UGT2B7: variants seen among roughly 807,000 people sequenced by gnomAD.
UGT2B7 encodes UDP glucuronosyltransferase family 2 member B7.
UGT2B7 carries 51 observed loss-of-function variants against 51.9 expected under a neutral mutation model. The ratio of observed to expected loss-of-function variants is 0.98; its 90% CI spans 0.78 to 1.24. The LOEUF (loss-of-function observed/expected upper bound fraction) is 1.24. UGT2B7 is among the 50% of genes most tolerant of loss of function. The pLI is 0.00. For synonymous variants in UGT2B7, 225 were observed against 211.6 expected, an observed-to-expected ratio of 1.06 and a Z score of -0.55; for missense variants, 727 against 628.4, an observed-to-expected ratio of 1.16 and a Z score of -1.68.
rs140395996 is a variant in UGT2B7 at position 69,112,611 on chromosome 4, C to T, written c.1465C>T (p.His489Tyr). ...AAHDLTWFQYHSLDVIGFLLV... is the reference protein window; with the variant it reads ...AAHDLTWFQYYSLDVIGFLLV... ...CCACGACCTCACCTGGTTCCAGTACCACTCTTTGGATGTGATTGGGTTCCT... is the reference window on the plus strand; with the variant it reads ...CCACGACCTCACCTGGTTCCAGTACTACTCTTTGGATGTGATTGGGTTCCT... The change falls in exon 6 of 6, where the codon CAC becomes TAC. Residue 489 changes from histidine (H) to tyrosine (Y), a missense_variant. Physicochemically the swap from His to Tyr is moderately conservative, Grantham distance 83. Coordinates refer to ENST00000305231, the MANE Select transcript of UGT2B7 (RefSeq NM_001074.4). 1.9e-4 allele frequency: 305 copies of T among 1,613,794 alleles called. No individual in the cohort carries two copies. The highest frequency in any genetic ancestry group is 8.3e-5 in the Admixed American group (5 of 59,994).
intron 1 of UGT2B7, among the ~76,000 whole-genome samples, chr4:69,073,504 T>C (rs560040049): frequency 6.6e-6 from 1 of 152,192 alleles, no homozygotes; most frequent in Non-Finnish European, 1.5e-5. Flanking sequence ...CTCAGAGTGA[T>C]TGGCAAAAAA....
chr4:69,068,444 A>G (rs1718527189), intron 1 of UGT2B7, among the ~76,000 whole-genome samples: 1 of 152,062 alleles, frequency 6.6e-6, no homozygotes, highest in Admixed American at 6.6e-5. Flanking sequence ...CTGTTTAATA[A>G]CCAAAATGTA....
chr4:69,081,156 T>C (rs953384435), intron 1 of UGT2B7, among the ~76,000 whole-genome samples: 5 of 152,184 alleles, frequency 3.3e-5, no homozygotes, highest in Admixed American at 3.3e-4. Context: ...CATTCATTTT[T>C]TGTATCATAT....
rs762452947 is a variant in UGT2B7 at position 69,056,299 on chromosome 4, G to C, written c.-159+4697G>C. Among the ~76,000 whole-genome samples the C allele has an allele frequency of 3.9e-4, 59 of 152,208 alleles. 1 individual carries two copies. Among genetic ancestry groups the C allele is most frequent in the Non-Finnish European group, 6.9e-4 (47 of 68,000 alleles). The stretch of plus-strand genomic sequence containing the variant: ...TAGACCCCCATCTAAATGCTCAACC[G>C]AATCATACGGTTACAAGCTGTTTTA... On this transcript the variant is annotated intron_variant, in intron 1 of 5. Transcript: ENST00000502942.
chr4:69,090,543 C>T (rs1287259624), intron 2 of UGT2B7, among the ~76,000 whole-genome samples: 2 of 151,950 alleles, frequency 1.3e-5, no homozygotes, highest in Non-Finnish European at 2.9e-5. Flanking sequence ...AGACAACTAA[C>T]TATCCAAAAA....
At chr4:69,055,098 T>TAAAAAAAAAAAAAAAAAAAAAAAAAAA (rs1178892377) in intron 1 of UGT2B7, among the ~76,000 whole-genome samples, 4 of 22,560 alleles carry the variant, frequency 1.8e-4, no homozygotes, top group Admixed American at 6.0e-4. Flanking sequence ...AAGTAATAGC[T>TAAAAAAAAAAAAAAAAAAAAAAAAAAA]AAAAAAAAAA....
intron 1 of UGT2B7, among the ~76,000 whole-genome samples, chr4:69,072,504 T>C (rs1718621774): frequency 6.6e-6 from 1 of 152,216 alleles, no homozygotes; most frequent in Non-Finnish European, 1.5e-5. Context: ...TGAATTAATA[T>C]CTATGCAGAA....
intron 5 of UGT2B7, 48 bp from the exon 6 acceptor site, chr4:69,112,409 G>T: frequency 6.3e-7 from 1 of 1,583,450 alleles, no homozygotes; most frequent in Non-Finnish European, 8.6e-7. Flanking sequence ...GAGGGGTTTT[G>T]TCTGTAACTC....
At chr4:69,058,925 G>A (rs1165093063) in intron 1 of UGT2B7, among the ~76,000 whole-genome samples, 1 of 152,210 alleles carries the variant, frequency 6.6e-6, no homozygotes, top group Non-Finnish European at 1.5e-5. Context: ...GCCCAGGTTG[G>A]AAAGAGATCA....
At chr4:69,077,192 T>A (rs190219913) in intron 1 of UGT2B7, among the ~76,000 whole-genome samples, 1 of 152,254 alleles carries the variant, frequency 6.6e-6, no homozygotes, top group Non-Finnish European at 1.5e-5. Flanking sequence ...ACCCTTGTAG[T>A]ATGGTTTGAA....
At chr4:69,057,556 G>A (rs1358062471) in intron 1 of UGT2B7, among the ~76,000 whole-genome samples, 1 of 152,130 alleles carries the variant, frequency 6.6e-6, no homozygotes, top group African/African-American at 2.4e-5. Flanking sequence ...TTAAAATCAG[G>A]ATCTCAAAGG....
intron 1 of UGT2B7, among the ~76,000 whole-genome samples, chr4:69,055,017 C>T (rs183303034): frequency 2.7e-5 from 4 of 146,484 alleles, no homozygotes; most frequent in African/African-American, 1.0e-4. Flanking sequence ...AGTGACCAGC[C>T]TGATGCGTGT....
intron 2 of UGT2B7, among the ~76,000 whole-genome samples, chr4:69,100,481 A>C (rs1176340816): frequency 6.6e-6 from 1 of 152,046 alleles, no homozygotes; most frequent in Non-Finnish European, 1.5e-5. Flanking sequence ...ATTTTATTCC[A>C]TTGTTAAAAC....
At chr4:69,075,448 C>T (rs1718682925) in intron 1 of UGT2B7, among the ~76,000 whole-genome samples, 1 of 152,044 alleles carries the variant, frequency 6.6e-6, no homozygotes, top group Non-Finnish European at 1.5e-5. Flanking sequence ...CACTTTGGAG[C>T]CCAGTGTCAC....
chr4:69,103,063 G>T, intron 3 of UGT2B7, 125 bp downstream of exon 3: 2 of 1,484,944 alleles, frequency 1.3e-6, no homozygotes, highest in Non-Finnish European at 1.8e-6. Flanking sequence ...TTAGAACAAG[G>T]ATAATCTTGG....
At chr4:69,084,550 T>C (rs1051414875) in intron 1 of UGT2B7, among the ~76,000 whole-genome samples, 1 of 152,038 alleles carries the variant, frequency 6.6e-6, no homozygotes, top group Admixed American at 6.6e-5. Flanking sequence ...GCTGCACCCA[T>C]CAACCAGTCT....
chr4:69,098,866 T>G (rs1402232687), intron 2 of UGT2B7, among the ~76,000 whole-genome samples, 178 bp downstream of exon 2: 1 of 151,890 alleles, frequency 6.6e-6, no homozygotes, highest in Non-Finnish European at 1.5e-5. Flanking sequence ...GTATATGAGT[T>G]TTATGAGTAT....
At chr4:69,059,380 GGAAGA>G (rs1370666438) in intron 1 of UGT2B7, among the ~76,000 whole-genome samples, 1 of 152,192 alleles carries the variant, frequency 6.6e-6, no homozygotes, top group African/African-American at 2.4e-5. Flanking sequence ...TCCTTTGCTG[GGAAGA>G]GACCTACTTC....
At chr4:69,088,315 A>T (rs1471591849) in intron 1 of UGT2B7, among the ~76,000 whole-genome samples, 1 of 148,282 alleles carries the variant, frequency 6.7e-6, no homozygotes, top group African/African-American at 2.5e-5. Flanking sequence ...TGCAAAATTT[A>T]TCATCATTTT....
Sources: allele counts gnomAD v4.1 joint callset (sites outside exome capture counted in the v4.1 genomes callset), GRCh38; gene constraint gnomAD v4.1.1; transcripts MANE v1.5; gene names NCBI Gene and HGNC (gene_info 2026-07-23, HGNC 2026-07-21).